Variants in PTER observed in about 807,000 individuals in gnomAD.
PTER encodes the protein phosphotriesterase related, also known as N-acetyltaurine hydrolase.
Under a neutral mutation model 29.6 loss-of-function variants are expected in PTER, and 38 were observed. The observed-to-expected ratio is 1.28, with a 90% confidence interval of 0.99 to 1.68. The LOEUF is 1.68. Ranked by LOEUF, PTER falls within the 40% of genes most tolerant of loss-of-function variation. The pLI is 0.00. For synonymous variants in PTER, 172 were observed against 154.5 expected (o/e 1.11, Z -0.84); for missense variants, 482 against 427.8 (o/e 1.13, Z -1.12).
In PTER at chr10:16,486,511, G is replaced by C. The variant is rs764434916; in HGVS notation, c.592G>C (p.Val198Leu). Residue 198 changes from valine to leucine, a missense_variant, in exon 3 of 5, where the codon GTT becomes CTT. By Grantham distance (32) the Val-to-Leu change is conservative (BLOSUM62 1). Transcript: ENST00000535784. ...TGCCCAGGCTCAGCTTGGTTGTCCT[G>C]TTATTATCCATCCTGGACGGAGCTC... is the stretch of plus-strand genomic sequence containing the variant. ...AHAQAQLGCP[V>L]IIHPGRSSRA... The C allele has an allele frequency of 9.3e-6, 15 of 1,614,008 alleles. No individual in the cohort carries two copies. Among genetic ancestry groups the C allele is most frequent in the Non-Finnish European group, 1.3e-5 (15 of 1,179,964 alleles).
At chr10:16,483,651 C>T (rs191781395) in intron 1 of PTER, among the ~76,000 whole-genome samples, 145 of 152,208 alleles carry the variant, frequency 9.5e-4, no homozygotes, top group African/African-American at 3.3e-3. Flanking sequence ...AGTTCAAGAC[C>T]AGCCTGGCCA....
At chr10:16,479,108 G>C (rs919455403) in intron 1 of PTER, among the ~76,000 whole-genome samples, 1 of 151,808 alleles carries the variant, frequency 6.6e-6, no homozygotes, top group Non-Finnish European at 1.5e-5. Context: ...AGGAAAGCTT[G>C]GGAATGAAAC....
At chr10:16,473,472 A>G (rs537399138) in intron 1 of PTER, among the ~76,000 whole-genome samples, 7 of 146,232 alleles carry the variant, frequency 4.8e-5, no homozygotes, top group African/African-American at 1.8e-4. Context: ...GTGAGCCGAA[A>G]TCGCACCACT....
intron 1 of PTER, among the ~76,000 whole-genome samples, chr10:16,450,934 A>G (rs762348282): frequency 1.3e-5 from 2 of 152,190 alleles, no homozygotes; most frequent in Admixed American, 6.5e-5. Context: ...ACTAAGGACT[A>G]TCAGCGTTCT....
intron 1 of PTER, among the ~76,000 whole-genome samples, chr10:16,457,972 G>C (rs1216218591): frequency 6.6e-6 from 1 of 152,106 alleles, no homozygotes; most frequent in African/African-American, 2.4e-5. Context: ...TATAAAATTT[G>C]TTATAAACCT....
chr10:16,491,079 C>G (rs910655841), intron 3 of PTER, among the ~76,000 whole-genome samples: 1 of 151,946 alleles, frequency 6.6e-6, no homozygotes, highest in African/African-American at 2.4e-5. Context: ...ATATATCTCT[C>G]TAGAATGGGT....
At chr10:16,499,331 C>G (rs889988295) in intron 3 of PTER, among the ~76,000 whole-genome samples, 3 of 152,136 alleles carry the variant, frequency 2.0e-5, no homozygotes, top group Non-Finnish European at 4.4e-5. Flanking sequence ...TGTGATCACT[C>G]ACACTATTTT....
chr10:16,513,027 C>T lies in PTER; in HGVS notation c.*1771C>T, dbSNP rs553596358. 1 of 152,440 alleles carries T rather than the reference C, an allele frequency of 6.6e-6. No individual in the cohort carries two copies. The highest frequency in any genetic ancestry group is 2.4e-5 in the African/African-American group (1 of 41,428). The allele number at this position is 152,440 out of a possible 1,614,324, so 9.4% of individuals were successfully genotyped here. A position where few individuals can be genotyped will look rare whatever the true frequency, so the allele number is the denominator to read the frequency against. Reference sequence around the variant, plus strand: ...AAAAAAGAAAAAAAAATTGATAGCTCAAATGCATGTAATTCATAAACACTG... The same window carrying T: ...AAAAAAGAAAAAAAAATTGATAGCTTAAATGCATGTAATTCATAAACACTG... On this transcript the variant is annotated 3_prime_UTR_variant, in exon 5 of 5. Transcript: ENST00000535784.
At chr10:16,482,027 A>G (rs7077494) in intron 1 of PTER, among the ~76,000 whole-genome samples, 21,794 of 152,118 alleles carry the variant, frequency 0.14, 2,874 homozygotes, top group African/African-American at 0.34. Context: ...CTGTGTGGTG[A>G]TTCTCTGAAG....
chr10:16,494,235 T>C (rs1441190551), intron 3 of PTER, among the ~76,000 whole-genome samples: 1 of 152,206 alleles, frequency 6.6e-6, no homozygotes, highest in East Asian at 1.9e-4. Flanking sequence ...TAAAATAAAG[T>C]TTTAATTACA....
At chr10:16,456,373 A>G (rs963555710) in intron 1 of PTER, among the ~76,000 whole-genome samples, 3 of 152,178 alleles carry the variant, frequency 2.0e-5, no homozygotes, top group African/African-American at 7.2e-5. Flanking sequence ...GTCCCCAGAG[A>G]ATGCCAGGAG....
chr10:16,499,511 G>A (rs1035740982), intron 3 of PTER, among the ~76,000 whole-genome samples: 1 of 151,942 alleles, frequency 6.6e-6, no homozygotes, highest in African/African-American at 2.4e-5. Flanking sequence ...GCTTGATCGT[G>A]ACTCACTGCA....
chr10:16,492,569 A>T (rs1304799839), intron 3 of PTER, among the ~76,000 whole-genome samples: 1 of 152,220 alleles, frequency 6.6e-6, no homozygotes, highest in African/African-American at 2.4e-5. Context: ...TGACGACAAA[A>T]TTCTTTACCA....
intron 1 of PTER, among the ~76,000 whole-genome samples, chr10:16,471,146 A>G (rs764322052): frequency 6.6e-6 from 1 of 152,212 alleles, no homozygotes; most frequent in African/African-American, 2.4e-5. Flanking sequence ...ATTAAAATGA[A>G]CCATAGCACT....
chr10:16,497,277 T>C (rs964919985), intron 3 of PTER, among the ~76,000 whole-genome samples: 3 of 152,198 alleles, frequency 2.0e-5, no homozygotes, highest in African/African-American at 7.2e-5. Flanking sequence ...TTTGTCTAAA[T>C]GGTGTCCTTT....
chr10:16,452,213 A>ACACACACACACACACG (rs1834236200), intron 1 of PTER, among the ~76,000 whole-genome samples: 1 of 151,302 alleles, frequency 6.6e-6, no homozygotes, highest in Non-Finnish European at 1.5e-5. Flanking sequence ...ACACACACAC[A>ACACACACACACACACG]CACACACATA....
intron 1 of PTER, among the ~76,000 whole-genome samples, chr10:16,477,221 C>T (rs1257788182): frequency 6.6e-6 from 1 of 151,772 alleles, no homozygotes; most frequent in East Asian, 1.9e-4. Flanking sequence ...TTCTTTTAAA[C>T]TTTGAAGGAT....
intron 1 of PTER, among the ~76,000 whole-genome samples, chr10:16,481,035 A>G (rs997010443): frequency 9.2e-5 from 14 of 152,120 alleles, no homozygotes; most frequent in Non-Finnish European, 8.8e-5. Flanking sequence ...TTTCAGTTCT[A>G]GATGCATCAG....
At chr10:16,440,067 A>ATT (rs71374689) in intron 1 of PTER, among the ~76,000 whole-genome samples, 2,953 of 135,194 alleles carry the variant, frequency 0.022, 171 homozygotes, top group African/African-American at 0.073. Flanking sequence ...TCCTAACAAG[A>ATT]TTTTTTTTTT....
Sources: gnomAD v4.1 joint callset for allele counts (sites outside exome capture counted in the v4.1 genomes callset) on GRCh38, gnomAD v4.1.1 for gene constraint, MANE v1.5 for transcripts, NCBI Gene and HGNC (gene_info 2026-07-23, HGNC 2026-07-21) for gene names.